Variants in MYH16 observed in about 807,000 individuals in gnomAD.
MYH16 encodes the protein myosin heavy chain 16.
At chr7:99,250,415 C>G (rs1057214559) in intron 5 of MYH16, among the ~76,000 whole-genome samples, 3 of 152,326 alleles carry the variant, frequency 2.0e-5, no homozygotes, top group East Asian at 3.9e-4. Flanking sequence ...CACAAAAAGC[C>G]TTAGCTGGGC....
chr7:99,291,927 G>A (rs1246987263), intron 31 of MYH16, among the ~76,000 whole-genome samples: 1 of 152,022 alleles, frequency 6.6e-6, no homozygotes, highest in Non-Finnish European at 1.5e-5. Flanking sequence ...TGGGTGACAA[G>A]AGTGAAACTC....
rs186020846 is a variant in MYH16, at chr7:99,301,421, C to T, written n.4934-180C>T. Among the ~76,000 whole-genome samples, 398 of 152,236 alleles carry T rather than the reference C, an allele frequency of 2.6e-3. 4 individuals carry two copies. The highest frequency in any genetic ancestry group is 5.4e-4 in the Non-Finnish European group (37 of 68,022). ...GGGTCCTGGCCCTGCTGGGGCTCCA[C>T]CATACCATAAACTTCCCAAGACCAG... On this transcript the variant is annotated intron_variant and non_coding_transcript_variant, in intron 37 of 41. Coordinates refer to ENST00000439784, the Ensembl canonical transcript of MYH16.
exon 34 of MYH16, chr7:99,296,748 C>T (rs1460995504): frequency 2.2e-6 from 1 of 456,662 alleles, no homozygotes; most frequent in East Asian, 7.0e-5. Context: ...GGCTCTTTGA[C>T]AAGATGCTGG....
intron 19 of MYH16, 77 bp from the exon 2 acceptor site, chr7:99,273,265 G>A: frequency 2.2e-6 from 1 of 451,530 alleles, no homozygotes; most frequent in Non-Finnish European, 4.5e-6. Flanking sequence ...TCTATTCCCA[G>A]GCCCCACCCC....
chr7:99,280,526 C>T (rs1316081058), intron 22 of MYH16, among the ~76,000 whole-genome samples: 1 of 152,172 alleles, frequency 6.6e-6, no homozygotes, highest in African/African-American at 2.4e-5. Context: ...GTTGGGTTCT[C>T]GAGCAGGGTA....
At chr7:99,258,901 A>G (rs1245273320) in intron 11 of MYH16, among the ~76,000 whole-genome samples, 1 of 152,162 alleles carries the variant, frequency 6.6e-6, no homozygotes, top group Non-Finnish European at 1.5e-5. Flanking sequence ...TAAAGAAAAG[A>G]GGCTTAATTG....
chr7:99,257,776 T>C lies in MYH16; in HGVS notation n.1135+336T>C, dbSNP rs1444513227. Among the ~76,000 whole-genome samples the C allele has an allele frequency of 3.3e-5, 5 of 152,148 alleles. No homozygotes were observed. The East Asian group carries it at 9.6e-4, about 29-fold the overall frequency. ...ATCCTCCTGCCTCAAACCTTCTCAG[T>C]AGCTGGGACTACAGTGCACGCCACC... On this transcript the variant is annotated intron_variant and non_coding_transcript_variant, in intron 10 of 41. Transcript: ENST00000439784.
intron 33 of MYH16, among the ~76,000 whole-genome samples, chr7:99,295,388 G>A (rs1373537919): frequency 1.3e-5 from 2 of 149,992 alleles, no homozygotes; most frequent in Non-Finnish European, 3.0e-5. Flanking sequence ...AAAAAAAAAA[G>A]AAAAGAAAGT....
At position 99,280,516 on chromosome 7, in the gene MYH16, G is replaced by A. The variant is rs751180325; in HGVS notation, n.2888-360G>A. On this transcript the variant is annotated intron_variant and non_coding_transcript_variant, in intron 22 of 41. Coordinates refer to ENST00000439784, the Ensembl canonical transcript of MYH16. ...GTCCCCTTCCTGCTATTGCAGGTGG[G>A]TTGGGTTCTCGAGCAGGGTAAGCAG... Among the ~76,000 whole-genome samples, 162 of 152,214 alleles carry A rather than the reference G, an allele frequency of 1.1e-3. 2 individuals are homozygous for A. Among genetic ancestry groups the A allele is most frequent in the Non-Finnish European group, 5.0e-4 (34 of 68,038 alleles).
At chr7:99,282,097 A>T (rs1792206081) in intron 23 of MYH16, among the ~76,000 whole-genome samples, 1 of 152,140 alleles carries the variant, frequency 6.6e-6, no homozygotes, top group African/African-American at 2.4e-5. Flanking sequence ...ATCTCAGCTC[A>T]CTGCAACCTC....
intron 1 of MYH16, among the ~76,000 whole-genome samples, chr7:99,240,984 C>T (rs1791660865): frequency 6.6e-6 from 1 of 152,144 alleles, no homozygotes; most frequent in Non-Finnish European, 1.5e-5. Flanking sequence ...GCTTAATTCC[C>T]AGGAGAAACA....
Position 99,239,628 on chromosome 7 carries a change from C to T in MYH16, n.210+590C>T, listed in dbSNP as rs973322800. On this transcript the variant is annotated intron_variant and non_coding_transcript_variant, in intron 1 of 41. Transcript: ENST00000439784. ...CTTGCAGGGACTCAACCTGGCTTAT[C>T]GTGGATTGCAGGGATCCAACCTGGC... 4.6e-5 allele frequency among the ~76,000 whole-genome samples: 7 copies of T among 152,152 alleles called. No homozygotes were observed. In the South Asian group the frequency reaches 1.0e-3, roughly 23 times the overall value.
chr7:99,286,794 CA>C (rs111689587), intron 28 of MYH16, among the ~76,000 whole-genome samples: 2 of 149,042 alleles, frequency 1.3e-5, no homozygotes, highest in African/African-American at 2.5e-5. Context: ...GCCCATCTCT[CA>C]AAAAAAAAAT....
intron 23 of MYH16, 82 bp downstream of exon 5, chr7:99,281,062 G>A (rs1792193401): frequency 4.6e-6 from 1 of 217,306 alleles, no homozygotes; most frequent in African/African-American, 2.4e-5. Flanking sequence ...GGAGCCCCGA[G>A]TTCAAATCCT....
At chr7:99,309,560 C>A (rs1409490994), downstream of MYH16, among the ~76,000 whole-genome samples, 1 of 152,176 alleles carries the variant, frequency 6.6e-6, no homozygotes. Flanking sequence ...ACCTTTCAGG[C>A]AAAAACCTGA....
intron 20 of MYH16, among the ~76,000 whole-genome samples, chr7:99,275,853 T>A (rs1160554497): frequency 6.6e-6 from 1 of 152,194 alleles, no homozygotes; most frequent in Non-Finnish European, 1.5e-5. Context: ...TGCCTCAACC[T>A]CCCGAGTAGC....
At chr7:99,260,232 C>T (rs757456489) in exon 12 of MYH16, 288 of 1,609,918 alleles carry the variant, frequency 1.8e-4, no homozygotes, top group Non-Finnish European at 2.1e-4. Flanking sequence ...TCAACCACCA[C>T]ATGTTCGTGC....
chr7:99,297,526 T>C (rs1260612531), intron 34 of MYH16, 134 bp from the exon 16 acceptor site: 3 of 347,246 alleles, frequency 8.6e-6, no homozygotes, highest in African/African-American at 6.5e-5. Context: ...AAGATTATGG[T>C]CAGGTGTGGT....
intron 18 of MYH16, among the ~76,000 whole-genome samples, chr7:99,268,685 T>G (rs2150814557): frequency 6.6e-6 from 1 of 152,270 alleles, no homozygotes; most frequent in Middle Eastern, 3.4e-3. Flanking sequence ...ATGTTTGGAG[T>G]TGGCTCAGGT....
Sources: gnomAD v4.1 joint callset for allele counts (sites outside exome capture counted in the v4.1 genomes callset) on GRCh38, gnomAD v4.1.1 for gene constraint, MANE v1.5 for transcripts, NCBI Gene and HGNC (gene_info 2026-07-23, HGNC 2026-07-21) for gene names.